Variants in HELZ observed in about 807,000 individuals in gnomAD.
HELZ encodes the protein helicase with zinc finger.
HELZ carries 23 observed loss-of-function variants against 218.2 expected under a neutral mutation model. The observed-to-expected ratio is 0.11, with a 90% confidence interval of 0.08 to 0.15. The LOEUF is 0.15. Among genes scored for constraint, HELZ ranks in the 10% least tolerant of loss-of-function variants. The pLI, the probability that HELZ is intolerant of heterozygous loss-of-function variation, is 1.00. For synonymous variants in HELZ, 814 were observed against 829.4 expected (o/e 0.98, Z 0.32); for missense variants, 1,813 against 2,353.7 (o/e 0.77, Z 4.75).
chr17:67,201,219 T>C (rs770047696), intron 6 of HELZ, 34 bp from the exon 7 acceptor site: 1 of 1,434,564 alleles, frequency 7.0e-7, no homozygotes, highest in South Asian at 1.2e-5. Flanking sequence ...AAGAACCAAT[T>C]AGTATATTAA....
intron 23 of HELZ, among the ~76,000 whole-genome samples, chr17:67,129,707 G>A (rs1325843884): frequency 6.6e-6 from 1 of 152,036 alleles, no homozygotes; most frequent in African/African-American, 2.4e-5. Flanking sequence ...AAATTCATAA[G>A]TACTAAAGGA....
intron 23 of HELZ, among the ~76,000 whole-genome samples, chr17:67,134,003 T>C (rs2143927146): frequency 6.6e-6 from 1 of 152,276 alleles, no homozygotes; most frequent in African/African-American, 2.4e-5. Flanking sequence ...ACTAGTAAAG[T>C]AATATAAAGT....
At chr17:67,215,876 T>C in intron 5 of HELZ, 23 bp downstream of exon 5, 1 of 1,480,080 alleles carries the variant, frequency 6.8e-7, no homozygotes, top group Non-Finnish European at 9.4e-7. Flanking sequence ...ATTCAATAAT[T>C]CGAGTCTCAT....
At chr17:67,232,570 C>A (rs548637140) in intron 3 of HELZ, among the ~76,000 whole-genome samples, 10 of 152,196 alleles carry the variant, frequency 6.6e-5, no homozygotes, top group Non-Finnish European at 1.2e-4. Context: ...CATAGGAATT[C>A]TGGAATTAAT....
chr17:67,244,429 G>A (rs2041411704), intron 1 of HELZ: 1 of 192,434 alleles, frequency 5.2e-6, no homozygotes, highest in Non-Finnish European at 9.5e-6. Flanking sequence ...CAATAATTTA[G>A]GGGAGAGGAA....
At position 67,214,255 on chromosome 17, in the gene HELZ, ATT is replaced by A. The variant is rs1186094772; in HGVS notation, c.247+1642_247+1643del. On this transcript the variant is annotated intron_variant, in intron 5 of 32. Coordinates refer to ENST00000358691, the MANE Select transcript of HELZ (RefSeq NM_014877.4). ...ATCTTTAATGAATGGTTAAATTAATATTTCTTTTTTTTTTTTTTTTTTTTTTT... is the reference window on the plus strand; with the variant it reads ...ATCTTTAATGAATGGTTAAATTAATATCTTTTTTTTTTTTTTTTTTTTTTT... Among the ~76,000 whole-genome samples the A allele has an allele frequency of 2.8e-5, 3 of 106,886 alleles. No individual in the cohort carries two copies. The East Asian group carries it at 7.9e-4, about 28-fold the overall frequency. The allele number at this position is 106,886 out of a possible 152,430, so 70.1% of individuals were successfully genotyped here.
At chr17:67,079,564 T>A (rs1460984875) in intron 32 of HELZ, among the ~76,000 whole-genome samples, 1 of 152,200 alleles carries the variant, frequency 6.6e-6, no homozygotes, top group East Asian at 1.9e-4. Context: ...TACAAATTCA[T>A]GTATTTCACA....
intron 10 of HELZ, 136 bp downstream of exon 10, chr17:67,190,020 TA>T: frequency 1.4e-6 from 1 of 723,976 alleles, no homozygotes. Flanking sequence ...CTATAGCTAC[TA>T]AAAACATCAT....
At chr17:67,181,874 C>T (rs533963909) in intron 12 of HELZ, among the ~76,000 whole-genome samples, 10 of 152,316 alleles carry the variant, frequency 6.6e-5, no homozygotes, top group Admixed American at 1.3e-4. Context: ...AGTCAAACTT[C>T]CAGCTCCATT....
chr17:67,243,867 T>C, intron 1 of HELZ, 28 bp from the exon 2 acceptor site: 1 of 365,028 alleles, frequency 2.7e-6, no homozygotes, highest in South Asian at 1.1e-4. Flanking sequence ...GATGTTTCCA[T>C]ACAACACCAG....
At chr17:67,215,698 G>A in intron 5 of HELZ, 1 of 590,362 alleles carries the variant, frequency 1.7e-6, no homozygotes, top group Non-Finnish European at 3.1e-6. Flanking sequence ...GGAGTGACAA[G>A]AACTTAAACA....
chr17:67,219,566 G>A (rs146377420), intron 3 of HELZ, among the ~76,000 whole-genome samples: 11 of 152,320 alleles, frequency 7.2e-5, no homozygotes, highest in African/African-American at 2.4e-4. Context: ...TCAGAGAGAC[G>A]AGTTCAAGTG....
At position 67,073,539 on chromosome 17, in the gene HELZ, C is replaced by T. The variant is rs7217216; in HGVS notation, c.*4713G>A. The T allele has an allele frequency of 0.24, 36,920 of 152,050 alleles. 4,539 individuals are homozygous for T. Among genetic ancestry groups the T allele is most frequent in the African/African-American group, 0.27 (11,223 of 41,456 alleles). The allele number at this position is 152,050 out of a possible 1,614,324, so 9.4% of individuals were successfully genotyped here. A position where few individuals can be genotyped will look rare whatever the true frequency, so the allele number is the denominator to read the frequency against. On this transcript the variant is annotated 3_prime_UTR_variant, in exon 33 of 33. Coordinates refer to ENST00000358691, the MANE Select transcript of HELZ (RefSeq NM_014877.4). ...ACACTCCAGTTTTAGACGCTTTAGACGACCACTGCGGAACTGGGTTTGGTA... is the reference window on the plus strand; with the variant it reads ...ACACTCCAGTTTTAGACGCTTTAGATGACCACTGCGGAACTGGGTTTGGTA...
chr17:67,156,405 T>C (rs2038843939), intron 17 of HELZ, among the ~76,000 whole-genome samples: 1 of 152,238 alleles, frequency 6.6e-6, no homozygotes, highest in East Asian at 1.9e-4. Flanking sequence ...TCCCCTCCTT[T>C]CACAGCCAGG....
At chr17:67,242,178 G>C (rs1436136829) in intron 2 of HELZ, among the ~76,000 whole-genome samples, 1 of 152,192 alleles carries the variant, frequency 6.6e-6, no homozygotes, top group South Asian at 2.1e-4. Context: ...CACTTTGGGA[G>C]GCCAAGGCGG....
chr17:67,102,438 A>C (rs1444805514), intron 31 of HELZ, among the ~76,000 whole-genome samples: 1 of 152,234 alleles, frequency 6.6e-6, no homozygotes, highest in Non-Finnish European at 1.5e-5. Context: ...TACTATAAAA[A>C]GAAAAAACAA....
chr17:67,148,756 C>T (rs774438755), intron 19 of HELZ, 42 bp from the exon 20 acceptor site: 1 of 1,540,864 alleles, frequency 6.5e-7, no homozygotes, highest in South Asian at 1.3e-5. Context: ...ACTGAACATA[C>T]AAATAGTATT....
intron 31 of HELZ, among the ~76,000 whole-genome samples, chr17:67,090,283 T>C (rs891068605): frequency 6.6e-6 from 1 of 152,182 alleles, no homozygotes; most frequent in African/African-American, 2.4e-5. Context: ...AGTATATTCT[T>C]TTCATATATT....
chr17:67,109,349 A>G lies in HELZ; in HGVS notation c.4256T>C (p.Leu1419Pro). Residue 1419 changes from leucine (L) to proline (P), a missense_variant, in exon 29 of 33, where the codon CTT becomes CCT. This residue lies in a region of HELZ where 938 missense variants were observed against 1,027.5 expected (regional missense o/e 0.91). Coordinates refer to ENST00000358691, the MANE Select transcript of HELZ (RefSeq NM_014877.4). ...NQQPQQPPPQLSPAYQAGPNN... is the reference protein window; with the variant it reads ...NQQPQQPPPQPSPAYQAGPNN... The stretch of plus-strand genomic sequence containing the variant: ...GGGTCCCGCCTGATATGCAGGAGAA[A>G]GCTGAGGAGGTGGCTGCTGAGGCTG... The G allele has an allele frequency of 6.2e-7, 1 of 1,614,144 alleles. No homozygotes were observed. The highest frequency in any genetic ancestry group is 8.5e-7 in the Non-Finnish European group (1 of 1,180,026).
Sources: gnomAD v4.1 joint callset for allele counts (sites outside exome capture counted in the v4.1 genomes callset) on GRCh38, gnomAD v4.1.1 for gene constraint, gnomAD v4.1.1 regional missense constraint, MANE v1.5 for transcripts, NCBI Gene and HGNC (gene_info 2026-07-23, HGNC 2026-07-21) for gene names.